RPS6KC1: variants seen among roughly 807,000 people sequenced by gnomAD.
RPS6KC1 encodes the protein ribosomal protein S6 kinase C1.
In RPS6KC1, 54 loss-of-function variants were observed where a neutral mutation model predicts 103.8. The observed-to-expected ratio is 0.52, with a 90% CI of 0.42 to 0.65. RPS6KC1 has a LOEUF of 0.65. Among genes scored for constraint, RPS6KC1 ranks in the 30% least tolerant of loss-of-function variants. RPS6KC1 has a pLI of 0.00. For synonymous variants in RPS6KC1, 439 were observed against 438.7 expected (o/e 1.00, Z -0.01); for missense variants, 1,151 against 1,253.8 (o/e 0.92, Z 1.24).
chr1:213,700,588 G>A, the RPS6KC1 span, among the ~76,000 whole-genome samples: 1 of 151,292 alleles, frequency 6.6e-6, no homozygotes, highest in South Asian at 2.1e-4. Context: ...CTATTTCTGT[G>A]AAGAATGTCA....
the RPS6KC1 span, among the ~76,000 whole-genome samples, chr1:213,413,688 C>T: frequency 1.3e-5 from 2 of 152,330 alleles, no homozygotes; most frequent in Admixed American, 1.3e-4. Context: ...GAGTGCAAAG[C>T]AGAAGGTGGT....
chr1:213,752,438 C>A, the RPS6KC1 span, among the ~76,000 whole-genome samples: 1 of 152,118 alleles, frequency 6.6e-6, no homozygotes, highest in Non-Finnish European at 1.5e-5. Context: ...AGCCTGCAAT[C>A]AGTTTGCCAG....
At chr1:213,429,642 G>A in the RPS6KC1 span, among the ~76,000 whole-genome samples, 1 of 152,080 alleles carries the variant, frequency 6.6e-6, no homozygotes, top group African/African-American at 2.4e-5. Flanking sequence ...TATGAAACAG[G>A]CCCCCAAAGC....
At chr1:213,801,488 AAAG>A in the RPS6KC1 span, among the ~76,000 whole-genome samples, 4 of 152,290 alleles carry the variant, frequency 2.6e-5, no homozygotes, top group Admixed American at 1.3e-4. Flanking sequence ...ATGAAGAAAG[AAAG>A]AAGAAGAAAA....
chr1:213,528,239 A>G, the RPS6KC1 span, among the ~76,000 whole-genome samples: 1 of 152,212 alleles, frequency 6.6e-6, no homozygotes, highest in African/African-American at 2.4e-5. Flanking sequence ...CAATCATGGC[A>G]GAAAAAAAAG....
chr1:213,094,012 T>G (rs2081226943), intron 3 of RPS6KC1, among the ~76,000 whole-genome samples: 1 of 152,192 alleles, frequency 6.6e-6, no homozygotes, highest in Non-Finnish European at 1.5e-5. Flanking sequence ...TGGTTATTCA[T>G]CTCATCAGTA....
chr1:213,594,005 A>G, the RPS6KC1 span, among the ~76,000 whole-genome samples: 1 of 152,078 alleles, frequency 6.6e-6, no homozygotes, highest in Non-Finnish European at 1.5e-5. Context: ...ATCTGGGATT[A>G]CAGGCGTGCA....
chr1:213,766,626 C>T, the RPS6KC1 span, among the ~76,000 whole-genome samples: 2 of 152,284 alleles, frequency 1.3e-5, no homozygotes, highest in Admixed American at 1.3e-4. Context: ...TTTAATTCTC[C>T]TTACTGTCTC....
chr1:213,497,559 T>A, the RPS6KC1 span, among the ~76,000 whole-genome samples: 1 of 152,166 alleles, frequency 6.6e-6, no homozygotes, highest in African/African-American at 2.4e-5. Context: ...CCAAACACAT[T>A]GGATGCAACC....
intron 3 of RPS6KC1, among the ~76,000 whole-genome samples, chr1:213,082,044 A>G (rs544472868): frequency 5.3e-5 from 8 of 152,282 alleles, no homozygotes; most frequent in Admixed American, 1.3e-4. Flanking sequence ...TAGACTTTGT[A>G]ACAAAACTGA....
chr1:213,123,037 A>G (rs189803580), intron 5 of RPS6KC1, among the ~76,000 whole-genome samples: 1 of 152,310 alleles, frequency 6.6e-6, no homozygotes, highest in East Asian at 1.9e-4. Flanking sequence ...TGCCATGGGA[A>G]TCATTATAAA....
Position 213,241,068 on chromosome 1 carries a change from A to G in RPS6KC1, c.1592A>G (p.Glu531Gly). The change falls in exon 11 of 15, where the codon GAG (glutamate) becomes GGG (glycine). Residue 531 changes from glutamate to glycine, a missense_variant. By Grantham distance (98) the Glu-to-Gly change is moderately conservative (BLOSUM62 -2). Around this residue, in one of 3 missense-constraint regions of RPS6KC1, gnomAD observed 959 missense variants for 1,006.3 expected, o/e 0.95. Coordinates refer to ENST00000366960, the MANE Select transcript of RPS6KC1 (RefSeq NM_012424.6). ...QEKIEPGSLN[E>G]EPFMKTEGNG... ...AAGATTGAACCAGGGTCTTTGAATG[A>G]GGAGCCCTTCATGAAGACTGAAGGG... The G allele has an allele frequency of 6.2e-7, 1 of 1,613,554 alleles. No homozygotes were observed. The highest frequency in any genetic ancestry group is 8.5e-7 in the Non-Finnish European group (1 of 1,179,920).
the RPS6KC1 span, among the ~76,000 whole-genome samples, chr1:213,426,484 C>T: frequency 6.6e-6 from 1 of 152,296 alleles, no homozygotes; most frequent in East Asian, 1.9e-4. Context: ...TAGAGTAGCT[C>T]AGCCATTATT....
At chr1:213,846,517 T>C in the RPS6KC1 span, among the ~76,000 whole-genome samples, 1 of 152,192 alleles carries the variant, frequency 6.6e-6, no homozygotes, top group South Asian at 2.1e-4. Flanking sequence ...CTTAACTAAT[T>C]AGCTTGCTAA....
At chr1:213,610,532 G>A in the RPS6KC1 span, among the ~76,000 whole-genome samples, 1 of 152,138 alleles carries the variant, frequency 6.6e-6, no homozygotes, top group Admixed American at 6.6e-5. Context: ...AAGCACAGGC[G>A]ACTCGTTTCC....
chr1:213,542,374 G>T, the RPS6KC1 span, among the ~76,000 whole-genome samples: 1 of 152,246 alleles, frequency 6.6e-6, no homozygotes, highest in African/African-American at 2.4e-5. Context: ...TCCCCCTCCC[G>T]CTGGGGGAGA....
At chr1:213,581,325 G>A in the RPS6KC1 span, among the ~76,000 whole-genome samples, 1 of 151,938 alleles carries the variant, frequency 6.6e-6, no homozygotes, top group Non-Finnish European at 1.5e-5. Context: ...TTTTAATGTT[G>A]TATTCTTCCT....
the RPS6KC1 span, among the ~76,000 whole-genome samples, chr1:213,646,897 A>ATATATATTT: frequency 6.6e-6 from 1 of 150,436 alleles, no homozygotes; most frequent in African/African-American, 2.5e-5. Flanking sequence ...ATATATATAT[A>ATATATATTT]TTTTTGTTTG....
At chr1:213,348,985 C>A in the RPS6KC1 span, among the ~76,000 whole-genome samples, 1 of 152,184 alleles carries the variant, frequency 6.6e-6, no homozygotes, top group African/African-American at 2.4e-5. Context: ...AATAACATAA[C>A]CACATACTGG....
Sources: gnomAD v4.1 joint callset for allele counts (sites outside exome capture counted in the v4.1 genomes callset) on GRCh38, gnomAD v4.1.1 for gene constraint, gnomAD v4.1.1 regional missense constraint, MANE v1.5 for transcripts, NCBI Gene and HGNC (gene_info 2026-07-23, HGNC 2026-07-21) for gene names.